Variants in AKAP8L observed in about 807,000 individuals in gnomAD.
AKAP8L encodes the protein A-kinase anchor protein 8-like.
AKAP8L carries 34 observed loss-of-function variants against 77.5 expected under a neutral mutation model. The ratio of observed to expected loss-of-function variants is 0.44; its 90% CI spans 0.33 to 0.58. The LOEUF (loss-of-function observed/expected upper bound fraction) is 0.58. AKAP8L is among the 20% of genes least tolerant of loss of function. The probability of loss-of-function intolerance (pLI) is 0.02; values close to 1 mark genes in which losing one functional copy is unlikely to be tolerated. For missense variants in AKAP8L, 806 were observed against 887.6 expected (o/e 0.91, Z 1.17); for synonymous variants, 342 against 340.7 (o/e 1.00, Z -0.04).
chr19:15,405,582 C>T (rs1010685315), intron 2 of AKAP8L, among the ~76,000 whole-genome samples: 1 of 151,806 alleles, frequency 6.6e-6, no homozygotes, highest in African/African-American at 2.4e-5. Context: ...TACTGTACAC[C>T]TGGCCAAGTG....
chr19:15,392,254 G>A (rs1171808633), intron 12 of AKAP8L, among the ~76,000 whole-genome samples: 1 of 152,218 alleles, frequency 6.6e-6, no homozygotes, highest in Non-Finnish European at 1.5e-5. Flanking sequence ...CCAGCACTTT[G>A]GGAAGCTGAG....
At chr19:15,385,001 G>A (rs901839318) in intron 12 of AKAP8L, among the ~76,000 whole-genome samples, 1 of 149,074 alleles carries the variant, frequency 6.7e-6, no homozygotes, top group Non-Finnish European at 1.5e-5. Context: ...TTTTTGAGAC[G>A]GAGTCTCGCT....
At position 15,380,339 on chromosome 19, in the gene AKAP8L, G is replaced by T. The variant is rs1203293826; in HGVS notation, c.1724C>A (p.Ala575Glu). ...CTCTGCGCCCTCCGAGATCCCTGCC[G>T]CTTCGCCCTGCGCCCCCTCGTCCAG... ...GALDEGAQGEAAGISEGAEGV... is the reference protein window; with the variant it reads ...GALDEGAQGEEAGISEGAEGV... The change falls in exon 14 of 14, where the codon GCG (alanine) becomes GAG (glutamate). Residue 575 changes from alanine to glutamate, a missense_variant. Coordinates refer to ENST00000397410, the MANE Select transcript of AKAP8L (RefSeq NM_014371.4). 4 of 1,543,758 alleles carry T rather than the reference G, an allele frequency of 2.6e-6. No individual in the cohort carries two copies. The highest frequency in any genetic ancestry group is 2.4e-5 in the South Asian group (2 of 84,392).
In AKAP8L at chr19:15,399,105, G is replaced by C; in HGVS notation, c.1157+197C>G. 3 of 599,690 alleles carry C rather than the reference G, an allele frequency of 5.0e-6. No individual in the cohort carries two copies. The highest frequency in any genetic ancestry group is 8.8e-6 in the Non-Finnish European group (3 of 341,102). The allele number at this position is 599,690 out of a possible 1,614,324, so 37.1% of individuals were successfully genotyped here. A position where few individuals can be genotyped will look rare whatever the true frequency, so the allele number is the denominator to read the frequency against. The stretch of plus-strand genomic sequence containing the variant: ...GGCCCACAGACGCCAGCGGTCGCCA[G>C]GCGGCCGCAGAGGGGCAGGGGATGA... On this transcript the variant is annotated intron_variant, in intron 9 of 13. Transcript: ENST00000397410. This position sits in a 1 kb window ranked among gnomAD's most constrained non-coding sequence, Gnocchi z 6.1.
chr19:15,397,631 A>G lies in AKAP8L; in HGVS notation c.1300-6T>C, dbSNP rs767851157. On this transcript the variant is annotated splice_region_variant and splice_polypyrimidine_tract_variant and intron_variant, in intron 10 of 13. Transcript: ENST00000397410. This position sits in a 1 kb window ranked among gnomAD's most constrained non-coding sequence, Gnocchi z 4.7. Reference sequence around the variant, plus strand: ...GTCTTGTTAGTGACGTACTCCTGCAAGGAATATAAAGGTTCATGTGGGCCG... The same window carrying G: ...GTCTTGTTAGTGACGTACTCCTGCAGGGAATATAAAGGTTCATGTGGGCCG... 12 of 1,613,892 alleles carry G rather than the reference A, an allele frequency of 7.4e-6. No homozygotes were observed. The African/African-American group carries it at 1.2e-4, about 16-fold the overall frequency.
Position 15,398,008 on chromosome 19 carries a change from G to T in AKAP8L, c.1158-153C>A. ...CAGAGGGACAGGCTGGGACCAGTGG[G>T]GTCGGGAGTAGAAAGGGCCAGAAAG... On this transcript the variant is annotated intron_variant, in intron 9 of 13. Coordinates refer to ENST00000397410, the MANE Select transcript of AKAP8L (RefSeq NM_014371.4). This position sits in a 1 kb window ranked among gnomAD's most constrained non-coding sequence, Gnocchi z 9.2. 1 of 939,056 alleles carries T rather than the reference G, an allele frequency of 1.1e-6. No individual in the cohort carries two copies. The highest frequency in any genetic ancestry group is 1.6e-6 in the Non-Finnish European group (1 of 640,912). The allele number at this position is 939,056 out of a possible 1,614,324, so 58.2% of individuals were successfully genotyped here.
Position 15,403,492 on chromosome 19 carries a change from G to A in AKAP8L, c.345C>T (p.Tyr115=), listed in dbSNP as rs764460591. ...CCACTCACCTTTCTCCACCTGAGCC[G>A]TACACGCCTCCTTGCATCATGTCTG... ...LETDMMQGGV[Y]GSGGERYDSY... Residue 115 remains tyrosine, a synonymous_variant, in exon 4 of 14, where the codon TAC becomes TAT. Coordinates refer to ENST00000397410, the MANE Select transcript of AKAP8L (RefSeq NM_014371.4). The surrounding 1 kb of genome is among the most constrained non-coding windows in gnomAD (Gnocchi z 4.3). 1.9e-5 allele frequency: 31 copies of A among 1,613,798 alleles called. No homozygotes were observed. Among genetic ancestry groups the A allele is most frequent in the African/African-American group, 8.0e-5 (6 of 74,910 alleles).
At chr19:15,384,259 T>G (rs559179948) in intron 12 of AKAP8L, among the ~76,000 whole-genome samples, 1 of 151,048 alleles carries the variant, frequency 6.6e-6, no homozygotes, top group Non-Finnish European at 1.5e-5. Context: ...CTTGGAGTAT[T>G]TGCAGTTCTT....
Position 15,401,518 on chromosome 19 carries a change from C to G in AKAP8L, c.448G>C (p.Asp150His). Reference sequence around the variant, plus strand: ...TCATAGGCCATTTCCATCTCAGGGTCAAGCTCGCTGTAGTCATAGCCTGAC... The same window carrying G: ...TCATAGGCCATTTCCATCTCAGGGTGAAGCTCGCTGTAGTCATAGCCTGAC... ...YRSGYDYSEL[D>H]PEMEMAYEGQ... Residue 150 changes from aspartate to histidine, a missense_variant, in exon 5 of 14, where the codon GAC becomes CAC. Asp to His is a moderately conservative substitution (Grantham distance 81). Coordinates refer to ENST00000397410, the MANE Select transcript of AKAP8L (RefSeq NM_014371.4). This position sits in a 1 kb window ranked among gnomAD's most constrained non-coding sequence, Gnocchi z 6.2. The G allele has an allele frequency of 6.2e-7, 1 of 1,613,848 alleles. No individual in the cohort carries two copies. Among genetic ancestry groups the G allele is most frequent in the Non-Finnish European group, 8.5e-7 (1 of 1,179,872 alleles).
At position 15,403,429 on chromosome 19, in the gene AKAP8L, G is replaced by A. The variant is rs145622366; in HGVS notation, c.362+46C>T. 4.0e-4 allele frequency: 635 copies of A among 1,580,724 alleles called. 3 individuals carry two copies. The African/African-American group carries it at 7.8e-3, about 19-fold the overall frequency. On this transcript the variant is annotated intron_variant, in intron 4 of 13. Coordinates refer to ENST00000397410, the MANE Select transcript of AKAP8L (RefSeq NM_014371.4). The surrounding 1 kb of genome is among the most constrained non-coding windows in gnomAD (Gnocchi z 4.3). Reference sequence around the variant, plus strand: ...GGAAAACGCAGTGGGCAGCAGGCAGGAGCCGCCCCTGCAGAGTCTCAACCC... The same window carrying A: ...GGAAAACGCAGTGGGCAGCAGGCAGAAGCCGCCCCTGCAGAGTCTCAACCC...
In AKAP8L at chr19:15,389,080, C is replaced by T. The variant is rs570620251; in HGVS notation, c.1536+8070G>A. On this transcript the variant is annotated intron_variant, in intron 12 of 13. Coordinates refer to ENST00000397410, the MANE Select transcript of AKAP8L (RefSeq NM_014371.4). ...AAAAAAAAAAATACAAAAAATTAGC[C>T]GGGCGTGGTGGTGGGCGCCTATAGT... 4.1e-3 allele frequency among the ~76,000 whole-genome samples: 609 copies of T among 149,718 alleles called. 2 individuals are homozygous for T. The highest frequency in any genetic ancestry group is 6.2e-3 in the Non-Finnish European group (417 of 67,544).
At position 15,403,821 on chromosome 19, in the gene AKAP8L, G is replaced by C. The variant is rs564118282; in HGVS notation, c.122-106C>G. 9.5e-5 allele frequency: 106 copies of C among 1,120,708 alleles called. 1 individual carries two copies. The South Asian group carries it at 1.5e-3, about 16-fold the overall frequency. 69.4% of individuals were successfully genotyped at this position (1,120,708 alleles called of 1,614,324 possible). A position where few individuals can be genotyped will look rare whatever the true frequency, so the allele number is the denominator to read the frequency against. On this transcript the variant is annotated intron_variant, in intron 3 of 13. Transcript: ENST00000397410. This position sits in a 1 kb window ranked among gnomAD's most constrained non-coding sequence, Gnocchi z 4.3. ...ACAAGGGTATCTTCTGTCACAGAGAGAGAAGACCCTAGCCACTGAAGCTAG... is the reference window on the plus strand; with the variant it reads ...ACAAGGGTATCTTCTGTCACAGAGACAGAAGACCCTAGCCACTGAAGCTAG...
rs1174305236 is a variant in AKAP8L at position 15,399,636 on chromosome 19, C to T, written c.1049-226G>A. On this transcript the variant is annotated intron_variant, in intron 8 of 13. Coordinates refer to ENST00000397410, the MANE Select transcript of AKAP8L (RefSeq NM_014371.4). This position sits in a 1 kb window ranked among gnomAD's most constrained non-coding sequence, Gnocchi z 6.1. ...GGCCAGGCGATGACCCCTCCACTCT[C>T]CAGGACACCCATGCTCTCTGTGCAG... 1.8e-6 allele frequency: 1 copy of T among 567,180 alleles called. No individual in the cohort carries two copies. The highest frequency in any genetic ancestry group is 3.2e-6 in the Non-Finnish European group (1 of 315,936). 35.1% of individuals were successfully genotyped at this position (567,180 alleles called of 1,614,324 possible). A position where few individuals can be genotyped will look rare whatever the true frequency, so the allele number is the denominator to read the frequency against.
In AKAP8L at chr19:15,397,371, A is replaced by G; in HGVS notation, c.1406-91T>C. 6.5e-7 allele frequency: 1 copy of G among 1,528,214 alleles called. No individual in the cohort carries two copies. Among genetic ancestry groups the G allele is most frequent in the Admixed American group, 1.9e-5 (1 of 52,030 alleles). 94.7% of individuals were successfully genotyped at this position (1,528,214 alleles called of 1,614,324 possible). On this transcript the variant is annotated intron_variant, in intron 11 of 13. Transcript: ENST00000397410. This position sits in a 1 kb window ranked among gnomAD's most constrained non-coding sequence, Gnocchi z 4.7. ...AAAAAACCACACCAGCTCCTCCTCA[A>G]CTCGCCCTGCCACTTCCACCTGGGC...
At chr19:15,380,462 G>A (rs1184136615) in intron 13 of AKAP8L, 32 bp from the exon 14 acceptor site, 1 of 1,611,992 alleles carries the variant, frequency 6.2e-7, no homozygotes. Flanking sequence ...CTGAAGGGAG[G>A]GAGCACAGGC....
chr19:15,400,955 G>A lies in AKAP8L; in HGVS notation c.905C>T (p.Ser302Leu), dbSNP rs769018013. The change falls in exon 6 of 14, where the codon TCA (serine) becomes TTA (leucine). Residue 302 changes from serine (S) to leucine (L), a missense_variant. By Grantham distance (145) the Ser-to-Leu change is moderately radical (BLOSUM62 -2). This residue lies in a region of AKAP8L where 580 missense variants were observed against 694.1 expected (regional missense o/e 0.84). Coordinates refer to ENST00000397410, the MANE Select transcript of AKAP8L (RefSeq NM_014371.4). Reference protein sequence around the residue: ...TRTDCSDNSDSDNDEGTEGEA... With the variant: ...TRTDCSDNSDLDNDEGTEGEA... Reference sequence around the variant, plus strand: ...CCACCTAGTGGGCTCACCATTGTCTGAGTCGCTGTTGTCCGAGCAGTCCGT... The same window carrying A: ...CCACCTAGTGGGCTCACCATTGTCTAAGTCGCTGTTGTCCGAGCAGTCCGT... 6.2e-7 allele frequency: 1 copy of A among 1,613,998 alleles called. No individual in the cohort carries two copies. The highest frequency in any genetic ancestry group is 8.5e-7 in the Non-Finnish European group (1 of 1,179,892).
Position 15,380,107 on chromosome 19 carries a change from C to G in AKAP8L, c.*15G>C, listed in dbSNP as rs971217449. ...CAGCTTCGGCCACGCGGGCTCCGCC[C>G]GCCCCGAGCTCGGGTCACGGGGCGC... is the stretch of plus-strand genomic sequence containing the variant. On this transcript the variant is annotated 3_prime_UTR_variant, in exon 14 of 14. Transcript: ENST00000397410. 5 of 1,469,288 alleles carry G rather than the reference C, an allele frequency of 3.4e-6. No homozygotes were observed. The African/African-American group carries it at 7.4e-5, about 22-fold the overall frequency. The allele number at this position is 1,469,288 out of a possible 1,614,324, so 91.0% of individuals were successfully genotyped here.
Position 15,399,775 on chromosome 19 carries a change from A to ACCC in AKAP8L, c.1049-368_1049-366dup, listed in dbSNP as rs943331652. Reference sequence around the variant, plus strand: ...GGAGGCTGCTCACATGGCCCTGCCCACCCCCAACCGGGCACCGCGGCAACA... The same window carrying ACCC: ...GGAGGCTGCTCACATGGCCCTGCCCACCCCCCCCAACCGGGCACCGCGGCAACA... On this transcript the variant is annotated intron_variant, in intron 8 of 13. Transcript: ENST00000397410. This position sits in a 1 kb window ranked among gnomAD's most constrained non-coding sequence, Gnocchi z 6.1. The ACCC allele has an allele frequency of 5.9e-5, 20 of 339,930 alleles. No homozygotes were observed. The highest frequency in any genetic ancestry group is 9.4e-5 in the Non-Finnish European group (17 of 179,912). The allele number at this position is 339,930 out of a possible 1,614,324, so 21.1% of individuals were successfully genotyped here.
At chr19:15,410,637 C>A in intron 1 of AKAP8L, 43 bp from the exon 2 acceptor site, 1 of 1,497,818 alleles carries the variant, frequency 6.7e-7, no homozygotes, top group Non-Finnish European at 9.1e-7. Context: ...AAGCAAGTCA[C>A]AGGGAAATGA....
Sources: allele counts gnomAD v4.1 joint callset (sites outside exome capture counted in the v4.1 genomes callset), GRCh38; gene constraint gnomAD v4.1.1; regional missense constraint gnomAD v4.1.1; non-coding constraint Gnocchi (gnomAD v3.1); transcripts MANE v1.5; gene names NCBI Gene and HGNC (gene_info 2026-07-23, HGNC 2026-07-21).